The following DSCAM variants were observed in gnomAD, a reference collection of about 807,000 sequenced individuals.
DSCAM encodes the protein DS cell adhesion molecule.
In DSCAM, 47 loss-of-function variants were observed where a neutral mutation model predicts 217.7. That is an observed-to-expected ratio of 0.22 (90% CI 0.17 to 0.28). The LOEUF is 0.28. DSCAM is among the 10% of genes least tolerant of loss of function. The pLI, the probability that DSCAM is intolerant of heterozygous loss-of-function variation, is 1.00. For synonymous variants in DSCAM, 1,056 were observed against 1,015.3 expected, an observed-to-expected ratio of 1.04 and a Z score of -0.76; for missense variants, 2,080 against 2,618.3, an observed-to-expected ratio of 0.79 and a Z score of 4.49.
chr21:40,575,344 T>C (rs2076841131), intron 3 of DSCAM, among the ~76,000 whole-genome samples: 1 of 152,060 alleles, frequency 6.6e-6, no homozygotes, highest in Non-Finnish European at 1.5e-5. Context: ...TGCACCCAGG[T>C]GATTAAAAAG....
intron 1 of DSCAM, among the ~76,000 whole-genome samples, chr21:40,776,215 T>C (rs2091487063): frequency 6.6e-6 from 1 of 152,134 alleles, no homozygotes; most frequent in Admixed American, 6.5e-5. Flanking sequence ...TAATATAATT[T>C]TTTATATTAT....
intron 11 of DSCAM, among the ~76,000 whole-genome samples, chr21:40,229,055 G>A (rs1364267393): frequency 6.6e-6 from 1 of 152,108 alleles, no homozygotes; most frequent in Admixed American, 6.6e-5. Flanking sequence ...CCACTTCATG[G>A]TGAGAAACCC....
chr21:40,441,794 C>T lies in DSCAM; in HGVS notation c.509-72549G>A, dbSNP rs140282135. ...GTGCATGCATCTTTTCCCATCTACTCGCTGACCAATGCCCTCTGCTCAGGA... is the reference window on the plus strand; with the variant it reads ...GTGCATGCATCTTTTCCCATCTACTTGCTGACCAATGCCCTCTGCTCAGGA... On this transcript the variant is annotated intron_variant, in intron 3 of 32. Coordinates refer to ENST00000400454, the MANE Select transcript of DSCAM (RefSeq NM_001389.5). Among the ~76,000 whole-genome samples, 802 of 152,278 alleles carry T rather than the reference C, an allele frequency of 5.3e-3. 5 individuals carry two copies. The highest frequency in any genetic ancestry group is 9.2e-3 in the Non-Finnish European group (623 of 68,028).
chr21:40,846,068 C>T (rs116226579), intron 1 of DSCAM, among the ~76,000 whole-genome samples: 1,668 of 151,142 alleles, frequency 0.011, 31 homozygotes, highest in African/African-American at 0.039. Flanking sequence ...TTTACATAAA[C>T]GACTGTGAGG....
chr21:40,576,137 G>T (rs1294760738), intron 3 of DSCAM, among the ~76,000 whole-genome samples: 2 of 152,056 alleles, frequency 1.3e-5, no homozygotes, highest in Non-Finnish European at 2.9e-5. Flanking sequence ...TCACAAAAAG[G>T]CTTCTACAAA....
chr21:40,318,921 T>G (rs2074230344), intron 8 of DSCAM, among the ~76,000 whole-genome samples: 1 of 152,142 alleles, frequency 6.6e-6, no homozygotes, highest in Non-Finnish European at 1.5e-5. Context: ...GGGGAATTCT[T>G]TGGCCCTGCC....
chr21:40,426,519 A>C (rs1369311550), intron 3 of DSCAM, among the ~76,000 whole-genome samples: 1 of 152,166 alleles, frequency 6.6e-6, no homozygotes. Context: ...TACATTCTAA[A>C]TTGTTAAAGG....
At chr21:40,831,240 A>T (rs2092009781) in intron 1 of DSCAM, among the ~76,000 whole-genome samples, 1 of 152,252 alleles carries the variant, frequency 6.6e-6, no homozygotes, top group Admixed American at 6.5e-5. Context: ...ACATATGAGT[A>T]GCTGGCTTGA....
intron 11 of DSCAM, among the ~76,000 whole-genome samples, chr21:40,267,823 G>C (rs575587381): frequency 6.6e-6 from 1 of 152,252 alleles, no homozygotes; most frequent in African/African-American, 2.4e-5. Context: ...TTGAACCCAG[G>C]AGGTGGAGGT....
intron 3 of DSCAM, chr21:40,618,666 A>G (rs1296974711): frequency 6.6e-6 from 1 of 152,000 alleles, no homozygotes; most frequent in East Asian, 1.9e-4. Flanking sequence ...ACTCTGAGAA[A>G]AAAAAAAAAG....
intron 6 of DSCAM, among the ~76,000 whole-genome samples, chr21:40,344,997 T>G (rs1043708175): frequency 2.3e-4 from 35 of 152,228 alleles, no homozygotes; most frequent in South Asian, 4.1e-4. Flanking sequence ...TTGAATAATT[T>G]TCTAAGATTT....
At chr21:40,098,528 C>T (rs2089711226) in intron 20 of DSCAM, among the ~76,000 whole-genome samples, 1 of 152,204 alleles carries the variant, frequency 6.6e-6, no homozygotes, top group African/African-American at 2.4e-5. Context: ...GCTATTTCCT[C>T]ACACTTTATG....
intron 3 of DSCAM, among the ~76,000 whole-genome samples, chr21:40,434,261 G>C (rs1021471069): frequency 1.3e-5 from 2 of 152,200 alleles, no homozygotes; most frequent in African/African-American, 4.8e-5. Flanking sequence ...TGTACAGCCA[G>C]AGCAGGTGTG....
intron 20 of DSCAM, among the ~76,000 whole-genome samples, chr21:40,102,927 C>T (rs939975528): frequency 6.6e-6 from 1 of 152,244 alleles, no homozygotes; most frequent in East Asian, 1.9e-4. Flanking sequence ...GCTCCCCGAC[C>T]CATCCCTCTA....
intron 3 of DSCAM, among the ~76,000 whole-genome samples, chr21:40,444,709 G>A (rs1392157673): frequency 6.6e-6 from 1 of 152,144 alleles, no homozygotes. Flanking sequence ...GAACACTGAG[G>A]CCCATGATGT....
chr21:40,376,610 TATA>T (rs2074961732), intron 3 of DSCAM, among the ~76,000 whole-genome samples: 2 of 7,924 alleles, frequency 2.5e-4, no homozygotes, highest in Non-Finnish European at 7.7e-4. Flanking sequence ...CTATATATCT[TATA>T]TAGATATCGA....
At chr21:40,787,530 A>G (rs1174039035) in intron 1 of DSCAM, among the ~76,000 whole-genome samples, 1 of 152,184 alleles carries the variant, frequency 6.6e-6, no homozygotes, top group Admixed American at 6.5e-5. Context: ...TGCATTGTTT[A>G]CAATTGAACA....
In DSCAM at chr21:40,273,522, T is replaced by G. The variant is rs551250345; in HGVS notation, c.2356+2575A>C. 3.3e-5 allele frequency among the ~76,000 whole-genome samples: 5 copies of G among 152,324 alleles called. No individual in the cohort carries two copies. The South Asian group carries it at 1.0e-3, about 32-fold the overall frequency. On this transcript the variant is annotated intron_variant, in intron 11 of 32. Transcript: ENST00000400454. ...GCCTGGAGTCTTTCAGTTTCTTGTA[T>G]CTGGCTTCTCTGTCTCCTGTCCCTG...
chr21:40,200,049 CA>C (rs374547408), intron 11 of DSCAM, among the ~76,000 whole-genome samples: 61 of 127,566 alleles, frequency 4.8e-4, no homozygotes, highest in African/African-American at 1.7e-3. Flanking sequence ...ATACACATAA[CA>C]AAAAATTGGT....
Sources: gnomAD v4.1 joint callset for allele counts (sites outside exome capture counted in the v4.1 genomes callset) on GRCh38, gnomAD v4.1.1 for gene constraint, MANE v1.5 for transcripts, NCBI Gene and HGNC (gene_info 2026-07-23, HGNC 2026-07-21) for gene names.